The following B3GAT2 variants were observed in gnomAD, a reference collection of about 807,000 sequenced individuals.
The protein encoded by B3GAT2 is beta-1,3-glucuronyltransferase 2.
In B3GAT2, 26 loss-of-function variants were observed where a neutral mutation model predicts 27.8. That is an observed-to-expected ratio of 0.93 (90% confidence interval 0.68 to 1.30). B3GAT2 has a LOEUF of 1.30. Among genes scored for constraint, B3GAT2 ranks in the 50% most tolerant of loss-of-function variants. The pLI is 0.00. For missense variants in B3GAT2, 458 were observed against 459.0 expected (o/e 1.00, Z 0.02); for synonymous variants, 218 against 195.1 (o/e 1.12, Z -0.98).
Position 70,956,503 on chromosome 6 carries a change from G to A in B3GAT2, c.-74C>T. The A allele has an allele frequency of 6.5e-7, 1 of 1,542,744 alleles. No homozygotes were observed. The highest frequency in any genetic ancestry group is 8.7e-7 in the Non-Finnish European group (1 of 1,143,974). Reference sequence around the variant, plus strand: ...GGGACCCCAGTGCGCAGCTTGGACAGCGGCGGCGCCAGCACTTAGGGAGTG... The same window carrying A: ...GGGACCCCAGTGCGCAGCTTGGACAACGGCGGCGCCAGCACTTAGGGAGTG... On this transcript the variant is annotated 5_prime_UTR_variant, in exon 1 of 4. Coordinates refer to ENST00000230053, the MANE Select transcript of B3GAT2 (RefSeq NM_080742.3).
chr6:70,912,978 T>C (rs1026938783), intron 1 of B3GAT2, among the ~76,000 whole-genome samples: 1 of 152,154 alleles, frequency 6.6e-6, no homozygotes, highest in African/African-American at 2.4e-5. Flanking sequence ...TAATAGTCTT[T>C]TAAGGTTTTT....
intron 1 of B3GAT2, among the ~76,000 whole-genome samples, chr6:70,918,144 T>C (rs1041078973): frequency 3.9e-5 from 6 of 152,200 alleles, no homozygotes; most frequent in African/African-American, 1.4e-4. Context: ...TTGATCCCTT[T>C]ACCATTATGT....
chr6:70,929,880 G>A (rs1332854419), intron 1 of B3GAT2, among the ~76,000 whole-genome samples: 2 of 152,102 alleles, frequency 1.3e-5, no homozygotes, highest in Non-Finnish European at 2.9e-5. Context: ...AGCCCACATT[G>A]CCAAGACAAT....
intron 1 of B3GAT2, among the ~76,000 whole-genome samples, chr6:70,950,288 C>CA (rs201678301): frequency 2.5e-4 from 17 of 69,384 alleles, no homozygotes; most frequent in Middle Eastern, 7.1e-3. Flanking sequence ...CATTTTCTTG[C>CA]AAAAAAAAAA....
intron 1 of B3GAT2, among the ~76,000 whole-genome samples, chr6:70,946,489 G>A (rs371926607): frequency 2.6e-5 from 4 of 151,976 alleles, no homozygotes; most frequent in South Asian, 2.1e-4. Context: ...AAAGAAGGCC[G>A]TTACATAACG....
At chr6:70,955,108 A>G (rs1466811640) in intron 1 of B3GAT2, among the ~76,000 whole-genome samples, 1 of 151,230 alleles carries the variant, frequency 6.6e-6, no homozygotes, top group Non-Finnish European at 1.5e-5. Flanking sequence ...CCAGATGTTT[A>G]CCTTGGGCTG....
chr6:70,942,327 T>C (rs1765406609), intron 1 of B3GAT2, among the ~76,000 whole-genome samples: 3 of 152,142 alleles, frequency 2.0e-5, no homozygotes, highest in Non-Finnish European at 4.4e-5. Context: ...ATGCAGAAGA[T>C]GGAAAAGTGG....
chr6:70,865,667 T>A (rs927186594), intron 2 of B3GAT2, among the ~76,000 whole-genome samples: 9 of 152,182 alleles, frequency 5.9e-5, no homozygotes, highest in Admixed American at 2.0e-4. Flanking sequence ...TACCTCCATA[T>A]ATGATTACTG....
chr6:70,857,267 G>A lies in B3GAT2; in HGVS notation c.*4396C>T, dbSNP rs1771466810. 2 of 333,428 alleles carry A rather than the reference G, an allele frequency of 6.0e-6. No individual in the cohort carries two copies. The highest frequency in any genetic ancestry group is 2.1e-5 in the African/African-American group (1 of 47,450). 20.7% of individuals were successfully genotyped at this position (333,428 alleles called of 1,614,324 possible). On this transcript the variant is annotated 3_prime_UTR_variant, in exon 4 of 4. Transcript: ENST00000230053. ...ACAAGCTGTTCATAGATCACTAAAT[G>A]TTGTTTCACAAGCTTATAGAACATG... is the stretch of plus-strand genomic sequence containing the variant.
At chr6:70,869,613 G>A (rs1365834584) in intron 2 of B3GAT2, among the ~76,000 whole-genome samples, 2 of 152,076 alleles carry the variant, frequency 1.3e-5, no homozygotes, top group Admixed American at 1.3e-4. Context: ...AGTTTCCTGT[G>A]TAAGTCATAC....
At chr6:70,940,215 G>A (rs1253152066) in intron 1 of B3GAT2, among the ~76,000 whole-genome samples, 1 of 152,022 alleles carries the variant, frequency 6.6e-6, no homozygotes, top group Admixed American at 6.6e-5. Context: ...TCCTCATTCT[G>A]GACTAAATAA....
chr6:70,866,589 G>A (rs1771854392), intron 2 of B3GAT2, among the ~76,000 whole-genome samples: 1 of 152,238 alleles, frequency 6.6e-6, no homozygotes, highest in East Asian at 1.9e-4. Context: ...AGGAGACACT[G>A]CAGAATAAAA....
At chr6:70,911,951 T>A (rs1772694930) in intron 1 of B3GAT2, among the ~76,000 whole-genome samples, 1 of 152,202 alleles carries the variant, frequency 6.6e-6, no homozygotes, top group African/African-American at 2.4e-5. Flanking sequence ...TCAGCTTGGA[T>A]GTTGTTAGTG....
In B3GAT2 at chr6:70,857,014, A is replaced by G; in HGVS notation, c.*4649T>C. On this transcript the variant is annotated 3_prime_UTR_variant, in exon 4 of 4. Coordinates refer to ENST00000230053, the MANE Select transcript of B3GAT2 (RefSeq NM_080742.3). The stretch of plus-strand genomic sequence containing the variant: ...CTCTGTATGGCACAGGAACCATTCA[A>G]CAGCAAAGTACTCCTGGTAATGAAT... 6.2e-7 allele frequency: 1 copy of G among 1,608,376 alleles called. No individual in the cohort carries two copies. Among genetic ancestry groups the G allele is most frequent in the Middle Eastern group, 1.7e-4 (1 of 6,022 alleles).
intron 1 of B3GAT2, among the ~76,000 whole-genome samples, chr6:70,937,521 G>A (rs1162586912): frequency 6.6e-6 from 1 of 152,082 alleles, no homozygotes; most frequent in African/African-American, 2.4e-5. Context: ...CTGGCAAACC[G>A]AATCCAGCAG....
In B3GAT2 at chr6:70,857,212, A is replaced by G; in HGVS notation, c.*4451T>C. 2.1e-6 allele frequency: 1 copy of G among 487,330 alleles called. No individual in the cohort carries two copies. The highest frequency in any genetic ancestry group is 5.7e-5 in the South Asian group (1 of 17,594). 30.2% of individuals were successfully genotyped at this position (487,330 alleles called of 1,614,324 possible). A position where few individuals can be genotyped will look rare whatever the true frequency, so the allele number is the denominator to read the frequency against. ...AGAATTAAAAAATTAAGAGGCATGTACAGGATTCACAGAACTTTATTTGGA... is the reference window on the plus strand; with the variant it reads ...AGAATTAAAAAATTAAGAGGCATGTGCAGGATTCACAGAACTTTATTTGGA... On this transcript the variant is annotated 3_prime_UTR_variant, in exon 4 of 4. Coordinates refer to ENST00000230053, the MANE Select transcript of B3GAT2 (RefSeq NM_080742.3).
At position 70,861,481 on chromosome 6, in the gene B3GAT2, C is replaced by T. The variant is rs551654588; in HGVS notation, c.*182G>A. On this transcript the variant is annotated 3_prime_UTR_variant, in exon 4 of 4. Coordinates refer to ENST00000230053, the MANE Select transcript of B3GAT2 (RefSeq NM_080742.3). ...AGACAAAACATACATTTTGTACCAA[C>T]CATCCAATTAGCTTATGTTAACTGA... 1.2e-5 allele frequency: 7 copies of T among 594,764 alleles called. No homozygotes were observed. In the African/African-American group the frequency reaches 1.3e-4, roughly 11 times the overall value. 36.8% of individuals were successfully genotyped at this position (594,764 alleles called of 1,614,324 possible).
Position 70,896,060 on chromosome 6 carries a change from G to A in B3GAT2, c.592-1788C>T, listed in dbSNP as rs181440882. On this transcript the variant is annotated intron_variant, in intron 1 of 3. Transcript: ENST00000230053. ...TTTCAGGAATATGAAATATTGGTGG[G>A]CAAGAGTGCCTATGTGACAAGCCCT... 2.8e-4 allele frequency among the ~76,000 whole-genome samples: 43 copies of A among 152,270 alleles called. No individual in the cohort carries two copies. In the East Asian group the frequency reaches 6.8e-3, roughly 24 times the overall value.
chr6:70,940,017 A>T (rs562861728), intron 1 of B3GAT2, among the ~76,000 whole-genome samples: 7 of 152,256 alleles, frequency 4.6e-5, no homozygotes, highest in African/African-American at 1.7e-4. Context: ...ACTGCATCAG[A>T]TCCCTGGGTC....
Sources: gnomAD v4.1 joint callset for allele counts (sites outside exome capture counted in the v4.1 genomes callset) on GRCh38, gnomAD v4.1.1 for gene constraint, MANE v1.5 for transcripts, NCBI Gene and HGNC (gene_info 2026-07-23, HGNC 2026-07-21) for gene names.